NR3C2: variants seen among roughly 807,000 people sequenced by gnomAD.
NR3C2 encodes the protein nuclear receptor subfamily 3 group C member 2, also known as mineralocorticoid receptor.
Under a neutral mutation model 86.4 loss-of-function variants are expected in NR3C2, and 15 were observed. That is an observed-to-expected ratio of 0.17 (90% CI 0.12 to 0.27). The LOEUF (loss-of-function observed/expected upper bound fraction) is 0.27, where lower values mean the gene tolerates loss of function less well. NR3C2 is among the 10% of genes least tolerant of loss of function. The probability of loss-of-function intolerance (pLI) is 1.00; values close to 1 mark genes in which losing one functional copy is unlikely to be tolerated. For synonymous variants in NR3C2, 458 were observed against 450.5 expected (o/e 1.02, Z -0.21); for missense variants, 960 against 1,195.6 (o/e 0.80, Z 2.91).
chr4:148,293,570 T>C (rs1183939848), intron 2 of NR3C2, among the ~76,000 whole-genome samples: 1 of 152,208 alleles, frequency 6.6e-6, no homozygotes, highest in African/African-American at 2.4e-5. Flanking sequence ...ATACTCACAT[T>C]TTAATAGTTA....
chr4:148,341,894 T>C (rs183858296), intron 2 of NR3C2, among the ~76,000 whole-genome samples: 2 of 152,280 alleles, frequency 1.3e-5, no homozygotes, highest in Admixed American at 6.5e-5. Flanking sequence ...CATGCACTTA[T>C]AATTGAGGTA....
intron 2 of NR3C2, among the ~76,000 whole-genome samples, chr4:148,433,429 C>A (rs1749890534): frequency 2.0e-5 from 3 of 151,926 alleles, no homozygotes; most frequent in Admixed American, 2.0e-4. Flanking sequence ...TTAAGTATTT[C>A]TTTATAAGAT....
chr4:148,429,981 T>C (rs954914262), intron 2 of NR3C2, among the ~76,000 whole-genome samples: 2 of 152,142 alleles, frequency 1.3e-5, no homozygotes, highest in Non-Finnish European at 2.9e-5. Flanking sequence ...CAGAAAAACA[T>C]AATGACATCA....
chr4:148,389,123 T>C (rs1747413637), intron 2 of NR3C2, among the ~76,000 whole-genome samples: 1 of 152,218 alleles, frequency 6.6e-6, no homozygotes, highest in Non-Finnish European at 1.5e-5. Flanking sequence ...GGCATTACAC[T>C]TGGCTCTTCT....
chr4:148,113,993 C>CAA lies in NR3C2; in HGVS notation c.2799+110_2799+111insTT. On this transcript the variant is annotated intron_variant, in intron 8 of 8. Coordinates refer to ENST00000358102, the MANE Select transcript of NR3C2 (RefSeq NM_000901.5). ...ATGGCGATATCCTTAATGGAGTCAA[C>CAA]AGAGGTCTAGCATGACACCCTGAAA... 3 of 1,286,044 alleles carry CAA rather than the reference C, an allele frequency of 2.3e-6. No individual in the cohort carries two copies. In the South Asian group the frequency reaches 3.8e-5, roughly 16 times the overall value. The allele number at this position is 1,286,044 out of a possible 1,614,324, so 79.7% of individuals were successfully genotyped here.
chr4:148,390,537 T>C (rs1258837150), intron 2 of NR3C2, among the ~76,000 whole-genome samples: 1 of 152,104 alleles, frequency 6.6e-6, no homozygotes, highest in Non-Finnish European at 1.5e-5. Context: ...TAGGGCTGCC[T>C]AGGGAGACAG....
intron 2 of NR3C2, among the ~76,000 whole-genome samples, chr4:148,295,840 G>A (rs1347928941): frequency 3.3e-5 from 5 of 151,792 alleles, no homozygotes; most frequent in Non-Finnish European, 5.9e-5. Flanking sequence ...TGTCACAGTG[G>A]CAGGTCACGT....
chr4:148,110,276 C>T (rs988509447), intron 8 of NR3C2, among the ~76,000 whole-genome samples: 1 of 152,196 alleles, frequency 6.6e-6, no homozygotes, highest in African/African-American at 2.4e-5. Flanking sequence ...TATTCCAGCA[C>T]ATATGTGTAC....
intron 3 of NR3C2, among the ~76,000 whole-genome samples, chr4:148,242,216 A>T (rs1256481826): frequency 6.6e-6 from 1 of 152,218 alleles, no homozygotes; most frequent in Non-Finnish European, 1.5e-5. Flanking sequence ...TGTGTATTTT[A>T]TCACCATTGA....
chr4:148,400,392 ATT>A (rs140076055), intron 2 of NR3C2, among the ~76,000 whole-genome samples: 10,059 of 152,220 alleles, frequency 0.066, 393 homozygotes, highest in African/African-American at 0.12. Flanking sequence ...GCCAGCCTTG[ATT>A]TTTTGCTCTT....
intron 2 of NR3C2, among the ~76,000 whole-genome samples, chr4:148,341,752 T>TA (rs1196065646): frequency 6.6e-6 from 1 of 151,798 alleles, no homozygotes; most frequent in Non-Finnish European, 1.5e-5. Flanking sequence ...ATAAAAAAAA[T>TA]AAAAACAAAC....
At chr4:148,285,532 C>A (rs1741475779) in intron 2 of NR3C2, among the ~76,000 whole-genome samples, 1 of 152,100 alleles carries the variant, frequency 6.6e-6, no homozygotes, top group Admixed American at 6.6e-5. Flanking sequence ...CATGGTGAAA[C>A]CCCATCTCTA....
chr4:148,264,380 ATC>A (rs1402220542), intron 2 of NR3C2, among the ~76,000 whole-genome samples: 1 of 152,240 alleles, frequency 6.6e-6, no homozygotes, highest in Non-Finnish European at 1.5e-5. Context: ...GGGGAGGCAG[ATC>A]TTGAACTCAC....
intron 6 of NR3C2, among the ~76,000 whole-genome samples, chr4:148,124,339 T>C (rs1473960683): frequency 1.3e-5 from 2 of 152,260 alleles, no homozygotes; most frequent in African/African-American, 2.4e-5. Flanking sequence ...TCCTGGATGA[T>C]AGTTTAAAAA....
intron 2 of NR3C2, among the ~76,000 whole-genome samples, chr4:148,308,593 G>A (rs1742755168): frequency 1.3e-5 from 2 of 152,274 alleles, no homozygotes; most frequent in Non-Finnish European, 2.9e-5. Context: ...GTATGGGGAA[G>A]GGGGCAATTG....
chr4:148,377,741 T>A (rs1049522406), intron 2 of NR3C2, among the ~76,000 whole-genome samples: 11 of 152,184 alleles, frequency 7.2e-5, no homozygotes, highest in African/African-American at 2.4e-4. Context: ...ACCAAGGCAA[T>A]GTCAGATACT....
chr4:148,232,752 T>C (rs886592147), intron 3 of NR3C2, among the ~76,000 whole-genome samples: 2 of 152,246 alleles, frequency 1.3e-5, no homozygotes, highest in Non-Finnish European at 2.9e-5. Flanking sequence ...ATCTATTGTT[T>C]AGTGTAGCCA....
intron 2 of NR3C2, among the ~76,000 whole-genome samples, chr4:148,392,467 T>C (rs1747636574): frequency 6.6e-6 from 1 of 152,200 alleles, no homozygotes; most frequent in Non-Finnish European, 1.5e-5. Flanking sequence ...GATTCGGAAC[T>C]CTCTCTTAGG....
intron 1 of NR3C2, among the ~76,000 whole-genome samples, chr4:148,440,048 T>C (rs1191864717): frequency 2.6e-5 from 4 of 152,256 alleles, no homozygotes; most frequent in African/African-American, 9.6e-5. Flanking sequence ...AAGGCTTTGC[T>C]GAAATCTAAA....
Sources: gnomAD v4.1 joint callset for allele counts (sites outside exome capture counted in the v4.1 genomes callset) on GRCh38, gnomAD v4.1.1 for gene constraint, MANE v1.5 for transcripts, NCBI Gene and HGNC (gene_info 2026-07-23, HGNC 2026-07-21) for gene names.